Variants in HEPH observed in about 807,000 individuals in gnomAD.
HEPH encodes the protein hephaestin.
HEPH carries 69 observed loss-of-function variants against 80.8 expected under a neutral mutation model. The ratio of observed to expected loss-of-function variants is 0.85; its 90% CI spans 0.70 to 1.04. The LOEUF (loss-of-function observed/expected upper bound fraction) is 1.04. Ranked by LOEUF, HEPH falls within the 50% of genes least tolerant of loss-of-function variation. The pLI is 0.00. For synonymous variants in HEPH, 431 were observed against 322.8 expected (o/e 1.34, Z -3.60); for missense variants, 1,115 against 891.3 (o/e 1.25, Z -3.20).
chrX:66,238,408 C>A (rs1176149826), intron 15 of HEPH, among the ~76,000 whole-genome samples: 3 of 111,060 alleles, frequency 2.7e-5, no homozygotes, highest in Non-Finnish European at 5.7e-5. Context: ...TTCTGAGTTG[C>A]AATTTATTTT....
In HEPH at chrX:66,170,662, G is replaced by C; in HGVS notation, c.92G>C (p.Gly31Ala). 1.7e-6 allele frequency: 2 copies of C among 1,210,572 alleles called. No individual in the cohort carries two copies. The highest frequency in any genetic ancestry group is 1.1e-6 in the Non-Finnish European group (1 of 894,679). ...TDGATRVYYLGIRDVQWNYAP... is the reference protein window; with the variant it reads ...TDGATRVYYLAIRDVQWNYAP... ...GGAGCCACTCGAGTCTACTACCTGG[G>C]CATCCGGGATGTGCAGTGGAACTAT... Residue 31 changes from glycine (G) to alanine (A), a missense_variant, in exon 2 of 21, where the codon GGC becomes GCC. By Grantham distance (60) the Gly-to-Ala change is moderately conservative. Transcript: ENST00000343002.
At chrX:66,180,245 C>A (rs1484728244) in intron 4 of HEPH, among the ~76,000 whole-genome samples, 1 of 110,088 alleles carries the variant, frequency 9.1e-6, no homozygotes, top group Non-Finnish European at 1.9e-5. Flanking sequence ...TTATGTATTT[C>A]CTGGATTTGT....
At chrX:66,243,486 A>G (rs781676377) in intron 15 of HEPH, among the ~76,000 whole-genome samples, 3 of 111,578 alleles carry the variant, frequency 2.7e-5, no homozygotes, top group Non-Finnish European at 5.7e-5. Flanking sequence ...TGGAATAGCA[A>G]CTCCTGCTTT....
chrX:66,261,538 GTTTTT>G (rs5902598), intron 19 of HEPH, among the ~76,000 whole-genome samples: 7 of 91,623 alleles, frequency 7.6e-5, no homozygotes, highest in Admixed American at 2.4e-4. Flanking sequence ...TCAAGGCTGT[GTTTTT>G]TTTTTTTTTT....
chrX:66,165,887 T>C lies in HEPH; in HGVS notation c.-14+1417T>C, dbSNP rs186229209. 4.8e-4 allele frequency among the ~76,000 whole-genome samples: 54 copies of C among 111,942 alleles called. 1 individual carries two copies. Among genetic ancestry groups the C allele is most frequent in the African/African-American group, 1.7e-3 (52 of 30,824 alleles). On this transcript the variant is annotated intron_variant, in intron 1 of 20. Coordinates refer to ENST00000343002, the MANE Select transcript of HEPH (RefSeq NM_001367233.3). ...TCTCCTTTTATTTCTTCCTGTTCTT[T>C]TTCCTCATCAGTCTGGTTCTTCTCT...
chrX:66,263,534 A>T, intron 19 of HEPH, 110 bp from the exon 20 acceptor site: 1 of 796,047 alleles, frequency 1.3e-6, no homozygotes, highest in African/African-American at 2.1e-5. Flanking sequence ...TATTTTGCTT[A>T]CTTAATCACA....
chrX:66,173,574 C>T lies in HEPH; in HGVS notation c.413-15C>T, dbSNP rs1358341098. On this transcript the variant is annotated splice_polypyrimidine_tract_variant and intron_variant, in intron 3 of 20. Coordinates refer to ENST00000343002, the MANE Select transcript of HEPH (RefSeq NM_001367233.3). Reference sequence around the variant, plus strand: ...CACTTATTCTGGGCCTGTGCATGTACAATTTCATTTCTAGGTTCCCTATAC... The same window carrying T: ...CACTTATTCTGGGCCTGTGCATGTATAATTTCATTTCTAGGTTCCCTATAC... The T allele has an allele frequency of 8.5e-7, 1 of 1,174,394 alleles. No homozygotes were observed. Among genetic ancestry groups the T allele is most frequent in the Non-Finnish European group, 1.2e-6 (1 of 865,399 alleles).
intron 4 of HEPH, among the ~76,000 whole-genome samples, chrX:66,187,361 G>T (rs766035658): frequency 4.5e-5 from 5 of 111,010 alleles, no homozygotes; most frequent in Non-Finnish European, 9.4e-5. Flanking sequence ...TTGGGTTTCT[G>T]GTTCCTTCTC....
intron 1 of HEPH, among the ~76,000 whole-genome samples, chrX:66,166,783 A>G (rs970795937): frequency 5.3e-5 from 6 of 112,181 alleles, no homozygotes; most frequent in Non-Finnish European, 1.1e-4. Flanking sequence ...GTTGTTTCCA[A>G]GAAGAGAGTT....
At chrX:66,232,735 TA>T (rs886635565) in intron 15 of HEPH, among the ~76,000 whole-genome samples, 3 of 111,319 alleles carry the variant, frequency 2.7e-5, no homozygotes, top group Non-Finnish European at 3.8e-5. Context: ...TTAAAATATA[TA>T]AAAAATACAT....
At chrX:66,180,692 ATTT>A (rs150507047) in intron 4 of HEPH, among the ~76,000 whole-genome samples, 96 of 53,432 alleles carry the variant, frequency 1.8e-3, no homozygotes, top group African/African-American at 6.8e-3. Context: ...AGCTGTGTGA[ATTT>A]TTTTTTTTTT....
intron 15 of HEPH, among the ~76,000 whole-genome samples, chrX:66,244,321 G>C (rs756565226): frequency 5.0e-4 from 56 of 111,419 alleles, no homozygotes; most frequent in African/African-American, 1.8e-3. Flanking sequence ...CATAGATTTG[G>C]TATCTTTACA....
At chrX:66,194,488 C>CT (rs757509871) in intron 8 of HEPH, among the ~76,000 whole-genome samples, 2 of 112,011 alleles carry the variant, frequency 1.8e-5, no homozygotes, top group African/African-American at 6.5e-5. Context: ...AGTTTTGGTA[C>CT]TTTTTGTCTG....
upstream of HEPH, chrX:66,164,187 G>A (rs2086266658): frequency 1.3e-6 from 1 of 751,661 alleles, no homozygotes. Flanking sequence ...TAAAACACCC[G>A]GATATGGGTA....
intron 11 of HEPH, 134 bp from the exon 12 acceptor site, chrX:66,200,406 G>A (rs2088369906): frequency 2.1e-6 from 1 of 481,009 alleles, no homozygotes; most frequent in South Asian, 3.3e-5. Context: ...AGAGAGGAAG[G>A]CAGAGGTGTT....
At chrX:66,189,344 A>T (rs984572952) in intron 5 of HEPH, among the ~76,000 whole-genome samples, 6 of 112,592 alleles carry the variant, frequency 5.3e-5, no homozygotes, top group Non-Finnish European at 1.1e-4. Flanking sequence ...ACCCTGAAAG[A>T]ATAGCCTGCA....
intron 15 of HEPH, among the ~76,000 whole-genome samples, chrX:66,227,635 A>C (rs888532456): frequency 2.0e-4 from 22 of 111,791 alleles, no homozygotes; most frequent in Non-Finnish European, 1.1e-4. Flanking sequence ...AGTACCCAGC[A>C]CCTTCTGTTG....
rs1017177671 is a variant in HEPH, at chrX:66,199,116, C to G, written c.1864+88C>G. 23 of 935,906 alleles carry G rather than the reference C, an allele frequency of 2.5e-5. No homozygotes were observed. The South Asian group carries it at 4.0e-4, about 16-fold the overall frequency. The allele number at this position is 935,906 out of a possible 1,213,427, so 77.1% of individuals were successfully genotyped here. A position where few individuals can be genotyped will look rare whatever the true frequency, so the allele number is the denominator to read the frequency against. On this transcript the variant is annotated intron_variant, in intron 11 of 20. Transcript: ENST00000343002. ...GTAATCATGACCAATCCTGAAAACA[C>G]TGATTTTATTGGTCATCTCTGTCCA...
At chrX:66,245,651 C>T (rs2090774353) in intron 15 of HEPH, among the ~76,000 whole-genome samples, 1 of 111,560 alleles carries the variant, frequency 9.0e-6, no homozygotes, top group South Asian at 3.8e-4. Flanking sequence ...CTACAGAGCT[C>T]TCCACTCCAA....
Sources: gnomAD v4.1 joint callset for allele counts (sites outside exome capture counted in the v4.1 genomes callset) on GRCh38, gnomAD v4.1.1 for gene constraint, MANE v1.5 for transcripts, NCBI Gene and HGNC (gene_info 2026-07-23, HGNC 2026-07-21) for gene names.